Variants in SWAP70 observed in about 807,000 individuals in gnomAD.
SWAP70 encodes switching B cell complex subunit SWAP70.
Under a neutral mutation model 80.2 loss-of-function variants are expected in SWAP70, and 34 were observed. That is an observed-to-expected ratio of 0.42 (90% CI 0.32 to 0.56). The LOEUF is 0.56. SWAP70 is among the 20% of genes least tolerant of loss of function. The pLI, the probability that SWAP70 is intolerant of heterozygous loss-of-function variation, is 0.09. For synonymous variants in SWAP70, 239 were observed against 238.5 expected (o/e 1.00, Z -0.02); for missense variants, 578 against 690.7 (o/e 0.84, Z 1.83).
Position 9,694,300 on chromosome 11 carries a change from C to A in SWAP70, c.240+14C>A. ...ATTTTGGAAAAGGTATGATTCTAAC[C>A]TTTTTTTGGGTGTAGCATTGTTTGG... On this transcript the variant is annotated intron_variant, in intron 2 of 11. Transcript: ENST00000318950. 1 of 1,603,718 alleles carries A rather than the reference C, an allele frequency of 6.2e-7. No homozygotes were observed. Among genetic ancestry groups the A allele is most frequent in the Non-Finnish European group, 8.5e-7 (1 of 1,175,174 alleles).
chr11:9,711,519 G>C (rs1200181351), intron 2 of SWAP70, among the ~76,000 whole-genome samples: 1 of 152,156 alleles, frequency 6.6e-6, no homozygotes, highest in African/African-American at 2.4e-5. Context: ...GGAAAGTTCA[G>C]GTACTCATTT....
At chr11:9,742,185 C>T (rs1195389134) in intron 9 of SWAP70, among the ~76,000 whole-genome samples, 1 of 152,120 alleles carries the variant, frequency 6.6e-6, no homozygotes, top group Non-Finnish European at 1.5e-5. Context: ...GTAACTTCTA[C>T]ATACAGCTCT....
At chr11:9,666,064 T>C (rs1010671104) in intron 1 of SWAP70, among the ~76,000 whole-genome samples, 10 of 151,686 alleles carry the variant, frequency 6.6e-5, no homozygotes, top group African/African-American at 2.4e-4. Flanking sequence ...ATCTTTGGGA[T>C]TATTTGAATA....
Position 9,750,038 on chromosome 11 carries a change from A to G in SWAP70, c.*68A>G, listed in dbSNP as rs1387591934. The G allele has an allele frequency of 5.1e-6, 6 of 1,171,598 alleles. No individual in the cohort carries two copies. Among genetic ancestry groups the G allele is most frequent in the Non-Finnish European group, 7.6e-6 (6 of 792,942 alleles). 72.6% of individuals were successfully genotyped at this position (1,171,598 alleles called of 1,614,324 possible). Reference sequence around the variant, plus strand: ...GGCAGGAGAGCTTTACGCTAAAGACAAAAGAAACAGCTTTGGGGGCCGGGC... The same window carrying G: ...GGCAGGAGAGCTTTACGCTAAAGACGAAAGAAACAGCTTTGGGGGCCGGGC... On this transcript the variant is annotated 3_prime_UTR_variant, in exon 12 of 12. Transcript: ENST00000318950.
intron 6 of SWAP70, among the ~76,000 whole-genome samples, chr11:9,731,012 A>G (rs1359723115): frequency 6.6e-6 from 1 of 152,134 alleles, no homozygotes; most frequent in Non-Finnish European, 1.5e-5. Context: ...GCTCCCACTT[A>G]TTAGTGAGAA....
chr11:9,672,229 G>A (rs373218593), intron 1 of SWAP70, among the ~76,000 whole-genome samples: 5 of 23,986 alleles, frequency 2.1e-4, no homozygotes, highest in Non-Finnish European at 3.1e-4. Context: ...ATATATATAT[G>A]ATTGTAAAGT....
intron 3 of SWAP70, among the ~76,000 whole-genome samples, chr11:9,721,695 A>G (rs192821417): frequency 1.3e-4 from 20 of 152,136 alleles, no homozygotes; most frequent in South Asian, 8.3e-4. Context: ...CTGATCTTGA[A>G]TTCCTGGCCC....
chr11:9,710,134 G>A (rs1429560820), intron 2 of SWAP70, among the ~76,000 whole-genome samples: 1 of 151,958 alleles, frequency 6.6e-6, no homozygotes, highest in African/African-American at 2.4e-5. Context: ...CATTTAAGTG[G>A]ACCCTCGAAG....
At chr11:9,733,848 T>G (rs1851331015) in intron 7 of SWAP70, among the ~76,000 whole-genome samples, 1 of 152,174 alleles carries the variant, frequency 6.6e-6, no homozygotes, top group Non-Finnish European at 1.5e-5. Flanking sequence ...TTTAAAATTA[T>G]AAAATAGCTC....
chr11:9,699,878 A>ATATGTG (rs1491008177), intron 2 of SWAP70, among the ~76,000 whole-genome samples: 3 of 150,432 alleles, frequency 2.0e-5, no homozygotes, highest in African/African-American at 7.3e-5. Flanking sequence ...ATATATATAT[A>ATATGTG]TATATATATA....
chr11:9,740,432 G>A (rs746676497), intron 9 of SWAP70, 85 bp downstream of exon 9: 1 of 1,378,370 alleles, frequency 7.3e-7, no homozygotes, highest in South Asian at 1.2e-5. Flanking sequence ...CTCTGGTGGA[G>A]AGGGAGAAGT....
At position 9,747,902 on chromosome 11, in the gene SWAP70, G is replaced by C; in HGVS notation, c.1400G>C (p.Trp467Ser). 3 of 1,614,206 alleles carry C rather than the reference G, an allele frequency of 1.9e-6. No homozygotes were observed. The highest frequency in any genetic ancestry group is 2.5e-6 in the Non-Finnish European group (3 of 1,180,036). The change falls in exon 10 of 12, where the codon TGG (tryptophan) becomes TCG (serine). Residue 467 changes from tryptophan to serine, a missense_variant. By Grantham distance (177) the Trp-to-Ser change is radical. Coordinates refer to ENST00000318950, the MANE Select transcript of SWAP70 (RefSeq NM_015055.4). The stretch of plus-strand genomic sequence containing the variant: ...TCCAAGAGGGCTGAACTAGAAAAGT[G>C]GCACTTGGAGCAGCAGCAGGCCATT... The part of the protein sequence containing the change: ...ESSKRAELEK[W>S]HLEQQQAIQT...
At chr11:9,742,980 T>C (rs1851461704) in intron 9 of SWAP70, among the ~76,000 whole-genome samples, 3 of 150,698 alleles carry the variant, frequency 2.0e-5, no homozygotes, top group African/African-American at 4.9e-5. Flanking sequence ...ACATGTGCCA[T>C]GCTGGTGTGC....
chr11:9,667,843 G>A (rs997161689), intron 1 of SWAP70, among the ~76,000 whole-genome samples: 9 of 152,088 alleles, frequency 5.9e-5, no homozygotes, highest in African/African-American at 1.7e-4. Flanking sequence ...TTACAGGCAC[G>A]AGCCACTGCA....
chr11:9,707,557 C>CTTTTT (rs34901698), intron 2 of SWAP70, among the ~76,000 whole-genome samples: 7 of 64,828 alleles, frequency 1.1e-4, no homozygotes, highest in African/African-American at 2.3e-4. Flanking sequence ...TTTTTCTTTT[C>CTTTTT]TTTTTTTTTT....
At chr11:9,719,093 C>CAAAAAAAAAAAAA (rs3049796) in intron 3 of SWAP70, among the ~76,000 whole-genome samples, 2 of 95,742 alleles carry the variant, frequency 2.1e-5, no homozygotes, top group Admixed American at 1.2e-4. Flanking sequence ...GACACTGAAT[C>CAAAAAAAAAAAAA]AAAAAAAAAA....
chr11:9,675,373 GAGAGAGAGA>G (rs1850481320), intron 1 of SWAP70, among the ~76,000 whole-genome samples: 4 of 56,588 alleles, frequency 7.1e-5, no homozygotes, highest in Non-Finnish European at 1.7e-4. Context: ...GAGAGAGAGA[GAGAGAGAGA>G]GAGAGAGAGA....
In SWAP70 at chr11:9,664,280, T is replaced by TGGGC; in HGVS notation, c.99+4_99+7dup. The TGGGC allele has an allele frequency of 6.4e-7, 1 of 1,567,604 alleles. No homozygotes were observed. Among genetic ancestry groups the TGGGC allele is most frequent in the Non-Finnish European group, 8.6e-7 (1 of 1,157,508 alleles). On this transcript the variant is annotated splice_region_variant and intron_variant, in intron 1 of 11. Transcript: ENST00000318950. ...AAGGTCTCCAAGTCCCAGCTCAAGG[T>TGGGC]GGGCGCCTCCTGACCCGGCCCCCCA...
At chr11:9,671,602 T>TTA (rs370071307) in intron 1 of SWAP70, among the ~76,000 whole-genome samples, 45,098 of 66,280 alleles carry the variant, frequency 0.68, 12,662 homozygotes, top group Middle Eastern at 0.79. Flanking sequence ...ATAAATATAT[T>TTA]TATATAGAAA....
Sources: gnomAD v4.1 joint callset for allele counts (sites outside exome capture counted in the v4.1 genomes callset) on GRCh38, gnomAD v4.1.1 for gene constraint, MANE v1.5 for transcripts, NCBI Gene and HGNC (gene_info 2026-07-23, HGNC 2026-07-21) for gene names.